Variants in SRGAP2C observed in about 807,000 individuals in gnomAD.
SRGAP2C encodes SLIT-ROBO Rho GTPase activating protein 2C, also known as SLIT-ROBO Rho GTPase-activating protein 2C.
SRGAP2C carries 15 observed loss-of-function variants against 25.1 expected under a neutral mutation model. That is an observed-to-expected ratio of 0.60 (90% CI 0.40 to 0.92). The LOEUF is 0.92. Among genes scored for constraint, SRGAP2C ranks in the 40% least tolerant of loss-of-function variants. SRGAP2C has a pLI of 0.00. For synonymous variants in SRGAP2C, 44 were observed against 96.6 expected (o/e 0.46, Z 3.19); for missense variants, 144 against 264.4 (o/e 0.54, Z 3.16).
chr1:121,275,144 T>A (rs1285131584), intron 2 of SRGAP2C, among the ~76,000 whole-genome samples: 3 of 136,210 alleles, frequency 2.2e-5, no homozygotes, highest in African/African-American at 8.2e-5. Context: ...ATGCCAGTCT[T>A]ATACTCTTAA....
chr1:121,271,258 C>T (rs587763662), intron 2 of SRGAP2C, among the ~76,000 whole-genome samples: 8 of 148,142 alleles, frequency 5.4e-5, no homozygotes, highest in South Asian at 4.4e-4. Flanking sequence ...TGAATGATGA[C>T]GGTTGCTGGG....
intron 2 of SRGAP2C, among the ~76,000 whole-genome samples, chr1:121,271,209 G>A (rs1404286943): frequency 6.7e-6 from 1 of 148,512 alleles, no homozygotes; most frequent in Non-Finnish European, 1.5e-5. Flanking sequence ...ATTGCCTTGT[G>A]GTGTTTAGAT....
rs1278158382 is a variant in SRGAP2C, at chr1:121,365,507, C to T, written c.486+152C>T. ...GGGTGACCCCACCCATCTCTTTTTT[C>T]ACACTCGTCTTTTCAAAACGGAATG... On this transcript the variant is annotated intron_variant, in intron 5 of 9. Coordinates refer to ENST00000367123, the MANE Select transcript of SRGAP2C (RefSeq NM_001329984.2). 2.3e-5 allele frequency among the ~76,000 whole-genome samples: 2 copies of T among 85,870 alleles called. 1 individual carries two copies. Among genetic ancestry groups the T allele is most frequent in the Non-Finnish European group, 4.7e-5 (2 of 42,424 alleles). 56.3% of individuals were successfully genotyped at this position (85,870 alleles called of 152,430 possible).
intron 3 of SRGAP2C, among the ~76,000 whole-genome samples, chr1:121,309,564 C>T (rs1450849695): frequency 6.6e-6 from 1 of 151,688 alleles, no homozygotes; most frequent in Non-Finnish European, 1.5e-5. Flanking sequence ...CCAATGCTAT[C>T]CCTCCCCACT....
At chr1:121,275,107 T>C (rs1553335928) in intron 2 of SRGAP2C, among the ~76,000 whole-genome samples, 2 of 146,054 alleles carry the variant, frequency 1.4e-5, no homozygotes, top group Non-Finnish European at 3.0e-5. Context: ...CTTAATGTAG[T>C]CTGGGACCAT....
chr1:121,286,105 A>C (rs1657359796), intron 3 of SRGAP2C, among the ~76,000 whole-genome samples: 1 of 152,130 alleles, frequency 6.6e-6, no homozygotes, highest in South Asian at 2.1e-4. Context: ...AGGTTGGACA[A>C]GCTTGGTCTA....
At chr1:121,236,201 C>T (rs1218952105) in intron 2 of SRGAP2C, among the ~76,000 whole-genome samples, 1 of 151,964 alleles carries the variant, frequency 6.6e-6, no homozygotes, top group East Asian at 1.9e-4. Context: ...CTTTTGTGAA[C>T]CTCCTTTCCT....
rs1424410087 is a variant in SRGAP2C at position 121,278,088 on chromosome 1, G to A, written c.68-6715G>A. Among the ~76,000 whole-genome samples the A allele has an allele frequency of 7.3e-5, 11 of 151,172 alleles. No homozygotes were observed. The East Asian group carries it at 2.1e-3, about 29-fold the overall frequency. ...CCCAAGTAGCTGGGACTAAAGGCAT[G>A]CACCACCTCCCCCCGCCAGCTAACT... On this transcript the variant is annotated intron_variant, in intron 2 of 9. Coordinates refer to ENST00000367123, the MANE Select transcript of SRGAP2C (RefSeq NM_001329984.2).
intron 2 of SRGAP2C, among the ~76,000 whole-genome samples, chr1:121,259,900 G>A (rs1235699072): frequency 8.0e-6 from 1 of 124,944 alleles, no homozygotes; most frequent in Non-Finnish European, 1.6e-5. Flanking sequence ...TCTTGCCCAG[G>A]TTGGAGTGCA....
intron 2 of SRGAP2C, among the ~76,000 whole-genome samples, chr1:121,270,314 G>T (rs1292466314): frequency 6.6e-6 from 1 of 151,820 alleles, no homozygotes; most frequent in Non-Finnish European, 1.5e-5. Context: ...CTGTGGAGAA[G>T]TCTGAGACCA....
intron 2 of SRGAP2C, among the ~76,000 whole-genome samples, chr1:121,212,959 A>G (rs1242001613): frequency 2.1e-5 from 3 of 143,690 alleles, no homozygotes; most frequent in Non-Finnish European, 4.6e-5. Context: ...GGCTAAAATC[A>G]AAAGGTTGAA....
chr1:121,266,085 A>G (rs1181308658), intron 2 of SRGAP2C, among the ~76,000 whole-genome samples: 2 of 151,542 alleles, frequency 1.3e-5, no homozygotes, highest in Non-Finnish European at 3.0e-5. Context: ...AGTGATTGTC[A>G]TGCCTCAGAC....
intron 4 of SRGAP2C, among the ~76,000 whole-genome samples, chr1:121,359,503 A>G (rs587754875): frequency 2.6e-5 from 4 of 152,292 alleles, no homozygotes; most frequent in African/African-American, 9.6e-5. Flanking sequence ...AAATTAGCCA[A>G]GCATACCTGT....
chr1:121,268,721 C>T (rs200943590), intron 2 of SRGAP2C, among the ~76,000 whole-genome samples: 45,241 of 92,396 alleles, frequency 0.49, 11,645 homozygotes, highest in East Asian at 0.75. Flanking sequence ...ATGGTGGTAC[C>T]GTTACTGGGG....
chr1:121,195,795 C>T (rs1553320514), intron 2 of SRGAP2C, among the ~76,000 whole-genome samples: 4 of 142,174 alleles, frequency 2.8e-5, no homozygotes. Flanking sequence ...AAGCATTATG[C>T]TAAATACTTT....
intron 2 of SRGAP2C, among the ~76,000 whole-genome samples, chr1:121,211,167 C>A (rs1417868125): frequency 6.6e-6 from 1 of 151,768 alleles, no homozygotes; most frequent in Non-Finnish European, 1.5e-5. Flanking sequence ...TTTTATGCAA[C>A]ACTTTTTTTT....
At chr1:121,379,036 A>G (rs1384948915) in intron 7 of SRGAP2C, among the ~76,000 whole-genome samples, 10 of 152,186 alleles carry the variant, frequency 6.6e-5, no homozygotes, top group Non-Finnish European at 1.5e-4. Flanking sequence ...ACCCAGGAGC[A>G]GATGGATGAA....
In SRGAP2C at chr1:121,318,043, G is replaced by A. The variant is rs1658128036; in HGVS notation, c.261-6435G>A. Among the ~76,000 whole-genome samples, 2 of 73,528 alleles carry A rather than the reference G, an allele frequency of 2.7e-5. 1 individual carries two copies. The highest frequency in any genetic ancestry group is 1.4e-4 in the African/African-American group (2 of 14,026). 48.2% of individuals were successfully genotyped at this position (73,528 alleles called of 152,430 possible). A position where few individuals can be genotyped will look rare whatever the true frequency, so the allele number is the denominator to read the frequency against. ...AGCTGTGATAAGCCCGGAGAAGTGTGCCCGCCCCCTGCCTGCCCGTCTGTC... is the reference window on the plus strand; with the variant it reads ...AGCTGTGATAAGCCCGGAGAAGTGTACCCGCCCCCTGCCTGCCCGTCTGTC... On this transcript the variant is annotated intron_variant, in intron 3 of 9. Transcript: ENST00000367123.
chr1:121,295,590 T>G (rs1657578921), intron 3 of SRGAP2C, among the ~76,000 whole-genome samples: 1 of 152,102 alleles, frequency 6.6e-6, no homozygotes, highest in Non-Finnish European at 1.5e-5. Context: ...AGGAAGAATC[T>G]ACAGGAATTG....
Sources: allele counts gnomAD v4.1 joint callset (sites outside exome capture counted in the v4.1 genomes callset), GRCh38; gene constraint gnomAD v4.1.1; transcripts MANE v1.5; gene names NCBI Gene and HGNC (gene_info 2026-07-23, HGNC 2026-07-21).